KNTC1: variants seen among roughly 807,000 people sequenced by gnomAD.
KNTC1 encodes kinetochore-associated protein 1.
Under a neutral mutation model 314.4 loss-of-function variants are expected in KNTC1, and 253 were observed. The ratio of observed to expected loss-of-function variants is 0.80; its 90% CI spans 0.73 to 0.89. The LOEUF is 0.89. Among genes scored for constraint, KNTC1 ranks in the 40% least tolerant of loss-of-function variants. The pLI, the probability that KNTC1 is intolerant of heterozygous loss-of-function variation, is 0.00. For synonymous variants in KNTC1, 901 were observed against 901.4 expected (o/e 1.00, Z 0.01); for missense variants, 2,475 against 2,572.9 (o/e 0.96, Z 0.82).
chr12:122,552,168 C>T (rs2137783327), intron 16 of KNTC1, among the ~76,000 whole-genome samples: 1 of 152,160 alleles, frequency 6.6e-6, no homozygotes, highest in African/African-American at 2.4e-5. Context: ...CTTGTTCTCC[C>T]AAAGTGCTGG....
Position 122,573,252 on chromosome 12 carries a change from G to A in KNTC1, c.2250G>A (p.Leu750=). ...GAGTTTACATGAGAGAACATGACTT[G>A]CAAGAGGAGGAACTTCTCTTGCTGT... ...FIRVYMREHD[L]QEEELLLLYI... Residue 750 remains leucine, a synonymous_variant, in exon 26 of 64, where the codon TTG becomes TTA. Transcript: ENST00000333479. 6.2e-7 allele frequency: 1 copy of A among 1,613,782 alleles called. No homozygotes were observed. The highest frequency in any genetic ancestry group is 8.5e-7 in the Non-Finnish European group (1 of 1,179,824).
chr12:122,588,681 A>C, intron 39 of KNTC1, 31 bp from the exon 40 acceptor site: 2 of 1,437,302 alleles, frequency 1.4e-6, no homozygotes, highest in South Asian at 2.8e-5. Flanking sequence ...ATAGAACTAG[A>C]CCTAAATATT....
intron 11 of KNTC1, 92 bp from the exon 12 acceptor site, chr12:122,547,823 C>T (rs2137753101): frequency 2.7e-6 from 2 of 735,592 alleles, no homozygotes; most frequent in Non-Finnish European, 4.3e-6. Flanking sequence ...TTGTAATTGG[C>T]AAAGCCTACT....
chr12:122,536,350 C>T (rs1961830524), intron 3 of KNTC1, among the ~76,000 whole-genome samples: 1 of 151,788 alleles, frequency 6.6e-6, no homozygotes, highest in Admixed American at 6.6e-5. Context: ...GCCTCAGCCT[C>T]CCAAGTATCT....
intron 50 of KNTC1, 91 bp from the exon 51 acceptor site, chr12:122,605,215 A>G (rs1872456219): frequency 1.9e-6 from 2 of 1,047,422 alleles, no homozygotes; most frequent in South Asian, 1.5e-5. Context: ...TTATATGTGT[A>G]TGTATGTGCA....
chr12:122,532,847 C>T lies in KNTC1; in HGVS notation c.130-1817C>T, dbSNP rs561517435. Among the ~76,000 whole-genome samples, 5 of 152,252 alleles carry T rather than the reference C, an allele frequency of 3.3e-5. No individual in the cohort carries two copies. In the East Asian group the frequency reaches 9.7e-4, roughly 29 times the overall value. On this transcript the variant is annotated intron_variant, in intron 2 of 63. Transcript: ENST00000333479. ...CTAAATGCCAAATGAACAGTACAGA[C>T]AGTAAATGAGTAGGAATTCAGTGGC...
At chr12:122,599,309 G>A (rs1028627974) in intron 44 of KNTC1, among the ~76,000 whole-genome samples, 1 of 151,592 alleles carries the variant, frequency 6.6e-6, no homozygotes, top group Non-Finnish European at 1.5e-5. Flanking sequence ...GAATTGGAAT[G>A]TTTGGTCAGG....
intron 63 of KNTC1, among the ~76,000 whole-genome samples, chr12:122,625,907 A>G (rs1190972925): frequency 6.6e-6 from 1 of 152,110 alleles, no homozygotes; most frequent in Non-Finnish European, 1.5e-5. Flanking sequence ...TTTGGTCCAG[A>G]TCAGGCATAT....
At position 122,547,491 on chromosome 12, in the gene KNTC1, T is replaced by A. The variant is rs752046776; in HGVS notation, c.893T>A (p.Leu298His). The change falls in exon 11 of 64, where the codon CTT (leucine) becomes CAT (histidine). Residue 298 changes from leucine (L) to histidine (H), a missense_variant. Coordinates refer to ENST00000333479, the MANE Select transcript of KNTC1 (RefSeq NM_014708.6). ...CCCTCTCTTCACGTAGAAGAGTTTC[T>A]TCTTACTACAGAAGCAGACTCTCCT... is the stretch of plus-strand genomic sequence containing the variant. ...NWPSLHVEEF[L>H]LTTEADSPSS... is the part of the protein sequence containing the mutation. The A allele has an allele frequency of 6.2e-7, 1 of 1,612,382 alleles. No individual in the cohort carries two copies. Among genetic ancestry groups the A allele is most frequent in the Admixed American group, 1.7e-5 (1 of 59,944 alleles).
At chr12:122,589,766 G>A (rs973984179) in intron 40 of KNTC1, among the ~76,000 whole-genome samples, 2 of 149,778 alleles carry the variant, frequency 1.3e-5, no homozygotes, top group South Asian at 2.1e-4. Context: ...TATTGTGCCC[G>A]GGCCCCCCAA....
chr12:122,547,509 A>ACT lies in KNTC1; in HGVS notation c.915_916dup (p.Pro306LeufsTer15), dbSNP rs1160876355. 4.4e-6 allele frequency: 7 copies of ACT among 1,607,008 alleles called. No homozygotes were observed. The highest frequency in any genetic ancestry group is 5.1e-6 in the Non-Finnish European group (6 of 1,174,374). On this transcript the variant is annotated frameshift_variant, in exon 11 of 64. Transcript: ENST00000333479. LOFTEE classifies it high-confidence loss of function. Reference sequence around the variant, plus strand: ...GAGTTTCTTCTTACTACAGAAGCAGACTCTCCTTCATCAGTCACGTGGTAT... The same window carrying ACT: ...GAGTTTCTTCTTACTACAGAAGCAGACTCTCTCCTTCATCAGTCACGTGGTAT...
At chr12:122,579,030 T>G (rs1402089598) in intron 31 of KNTC1, among the ~76,000 whole-genome samples, 2 of 2,678 alleles carry the variant, frequency 7.5e-4, no homozygotes, top group Non-Finnish European at 1.8e-3. Context: ...GTATTCTTTT[T>G]TTTTTTTTTT....
intron 44 of KNTC1, among the ~76,000 whole-genome samples, chr12:122,599,086 TATA>T (rs1309467809): frequency 1.3e-5 from 2 of 152,138 alleles, no homozygotes; most frequent in African/African-American, 4.8e-5. Flanking sequence ...CATAAATTGT[TATA>T]ATTAATATCT....
intron 44 of KNTC1, among the ~76,000 whole-genome samples, chr12:122,599,998 G>A (rs1372919051): frequency 6.6e-6 from 1 of 152,172 alleles, no homozygotes; most frequent in African/African-American, 2.4e-5. Flanking sequence ...CAGCCTGGGT[G>A]ACAGAGCGAG....
chr12:122,559,227 G>A (rs969345591), intron 18 of KNTC1, among the ~76,000 whole-genome samples: 2 of 151,968 alleles, frequency 1.3e-5, no homozygotes, highest in Non-Finnish European at 2.9e-5. Context: ...ATGGTGGCAC[G>A]CACCTGTAGT....
intron 2 of KNTC1, among the ~76,000 whole-genome samples, chr12:122,531,853 C>T (rs148360633): frequency 0.01 from 1,585 of 152,016 alleles, 24 homozygotes; most frequent in African/African-American, 0.037. Flanking sequence ...CCTGCCTCAG[C>T]CTCTCAAGTA....
At chr12:122,609,133 A>G (rs942618081) in intron 51 of KNTC1, 1 of 421,358 alleles carries the variant, frequency 2.4e-6, no homozygotes, top group African/African-American at 2.1e-5. Flanking sequence ...TGCTTTATTT[A>G]CTCAGGCAAT....
chr12:122,575,675 G>A, intron 28 of KNTC1, 29 bp downstream of exon 28: 3 of 1,519,388 alleles, frequency 2.0e-6, no homozygotes, highest in South Asian at 2.4e-5. Flanking sequence ...AAACAATGTT[G>A]TTATGCTCTG....
At chr12:122,605,548 T>C in intron 51 of KNTC1, 133 bp downstream of exon 51, 1 of 537,276 alleles carries the variant, frequency 1.9e-6, no homozygotes, top group Non-Finnish European at 3.4e-6. Context: ...GGAAGTTTCT[T>C]TGTTTGTTTT....
Sources: allele counts gnomAD v4.1 joint callset (sites outside exome capture counted in the v4.1 genomes callset), GRCh38; gene constraint gnomAD v4.1.1; transcripts MANE v1.5; gene names NCBI Gene and HGNC (gene_info 2026-07-23, HGNC 2026-07-21).